The following EYS variants were observed in gnomAD, a reference collection of about 807,000 sequenced individuals.
The protein encoded by EYS is EGF-like photoreceptor maintenance factor.
In EYS, 250 loss-of-function variants were observed where a neutral mutation model predicts 282.1. The ratio of observed to expected loss-of-function variants is 0.89; its 90% CI spans 0.80 to 0.98. The LOEUF (loss-of-function observed/expected upper bound fraction) is 0.98. Among genes scored for constraint, EYS ranks in the 50% least tolerant of loss-of-function variants. The pLI is 0.00. For missense variants in EYS, 4,016 were observed against 3,709.0 expected (o/e 1.08, Z -2.15); for synonymous variants, 1,355 against 1,282.9 (o/e 1.06, Z -1.20).
At chr6:65,404,231 C>T (rs1198554917) in intron 6 of EYS, among the ~76,000 whole-genome samples, 1 of 152,008 alleles carries the variant, frequency 6.6e-6, no homozygotes, top group Non-Finnish European at 1.5e-5. Flanking sequence ...TCTTCCATCT[C>T]TCTCTTCCAC....
intron 5 of EYS, among the ~76,000 whole-genome samples, chr6:65,440,309 A>G (rs2150391509): frequency 6.6e-6 from 1 of 152,072 alleles, no homozygotes; most frequent in Middle Eastern, 3.4e-3. Context: ...GATAGATTCA[A>G]TACCATATGT....
chr6:64,590,181 C>T (rs954300509), intron 26 of EYS, 42 bp downstream of exon 26: 1 of 1,453,856 alleles, frequency 6.9e-7, no homozygotes, highest in African/African-American at 1.4e-5. Flanking sequence ...AGAAAAGAAA[C>T]TCATTTCTAA....
At chr6:64,487,602 T>TA (rs1490069403) in intron 26 of EYS, among the ~76,000 whole-genome samples, 1 of 151,012 alleles carries the variant, frequency 6.6e-6, no homozygotes, top group East Asian at 1.9e-4. Context: ...TATTAATCCT[T>TA]ATCTTTTTTC....
At chr6:63,785,441 G>A (rs528272104) in intron 39 of EYS, among the ~76,000 whole-genome samples, 2 of 152,242 alleles carry the variant, frequency 1.3e-5, no homozygotes, top group African/African-American at 4.8e-5. Flanking sequence ...CTCATTCTGA[G>A]AACTCTGCAG....
chr6:64,590,225 G>A lies in EYS; in HGVS notation c.5642C>T (p.Ser1881Phe), dbSNP rs150640306. 4 of 1,532,916 alleles carry A rather than the reference G, an allele frequency of 2.6e-6. No individual in the cohort carries two copies. The African/African-American group carries it at 4.2e-5, about 16-fold the overall frequency. The allele number at this position is 1,532,916 out of a possible 1,614,324, so 95.0% of individuals were successfully genotyped here. The change falls in exon 26 of 43, where the codon TCT (serine) becomes TTT (phenylalanine). Residue 1881 changes from serine to phenylalanine, a missense_variant and splice_region_variant. Ser to Phe is a radical substitution (Grantham distance 155, BLOSUM62 -2). Coordinates refer to ENST00000503581, the MANE Select transcript of EYS (RefSeq NM_001142800.2). ...TGAACAGAAACTGAGAAACTCACCA[G>A]AAATCATCAGCCGTTGAGGTGCCAG... ...SILAPQRLMISDFSCVRYYGD... is the reference protein window; with the variant it reads ...SILAPQRLMIFDFSCVRYYGD...
chr6:63,863,675 C>CTTTTCTTTTT (rs1772597256), intron 36 of EYS, among the ~76,000 whole-genome samples: 2 of 60,034 alleles, frequency 3.3e-5, no homozygotes, highest in African/African-American at 1.1e-4. Context: ...TTTCTTTTTT[C>CTTTTCTTTTT]TTTTTTTTTT....
intron 24 of EYS, among the ~76,000 whole-genome samples, chr6:64,607,510 T>C (rs1198381121): frequency 6.6e-6 from 1 of 152,042 alleles, no homozygotes; most frequent in Non-Finnish European, 1.5e-5. Context: ...TCTAGTTATC[T>C]GCAGCTTTTT....
chr6:65,385,004 C>T (rs1274951486), intron 7 of EYS, among the ~76,000 whole-genome samples: 2 of 151,746 alleles, frequency 1.3e-5, no homozygotes, highest in Admixed American at 1.3e-4. Flanking sequence ...GTTTTTCAAA[C>T]AATCTATATT....
Position 65,258,861 on chromosome 6 carries a change from T to C in EYS, c.2023+37002A>G, listed in dbSNP as rs1582072523. On this transcript the variant is annotated intron_variant, in intron 12 of 42. Transcript: ENST00000503581. ...TTAACTAAAATTGGTAAAGCATTTG[T>C]GAAATGACATAATTGTGAAATCTCC... Among the ~76,000 whole-genome samples the C allele has an allele frequency of 3.3e-5, 5 of 152,184 alleles. No homozygotes were observed. In the East Asian group the frequency reaches 9.7e-4, roughly 30 times the overall value.
intron 2 of EYS, among the ~76,000 whole-genome samples, chr6:65,612,489 T>C (rs1200565070): frequency 6.6e-6 from 1 of 151,758 alleles, no homozygotes. Flanking sequence ...ATAAACTAAA[T>C]TGTATTTATT....
chr6:64,385,219 G>A (rs190934150), intron 29 of EYS, among the ~76,000 whole-genome samples: 11 of 152,082 alleles, frequency 7.2e-5, no homozygotes, highest in Middle Eastern at 3.4e-3. Flanking sequence ...TTCATCATAC[G>A]AGTTCTCTTT....
At position 64,997,616 on chromosome 6, in the gene EYS, C is replaced by A; in HGVS notation, c.2225G>T (p.Cys742Phe). The change falls in exon 14 of 43, where the codon TGT (cysteine) becomes TTT (phenylalanine). Residue 742 changes from cysteine (C) to phenylalanine (F), a missense_variant. Physicochemically the swap from Cys to Phe is radical, Grantham distance 205 (BLOSUM62 -2). Transcript: ENST00000503581. ...GTCTTTGCAGGTAGAATTGTGCTCA[C>A]AGGCATTCAGGATGCAGTCATCAAT... ...QDIDDCILNA[C>F]EHNSTCKDLH... is the part of the protein sequence containing the mutation. 1 of 1,551,246 alleles carries A rather than the reference C, an allele frequency of 6.4e-7. No individual in the cohort carries two copies. Among genetic ancestry groups the A allele is most frequent in the Non-Finnish European group, 8.7e-7 (1 of 1,146,608 alleles).
chr6:63,737,437 C>A (rs4634434), intron 41 of EYS, among the ~76,000 whole-genome samples: 56,953 of 150,460 alleles, frequency 0.38, 10,852 homozygotes, highest in African/African-American at 0.48. Flanking sequence ...AGGGATGAAG[C>A]CCACTTGATC....
chr6:64,748,207 A>G (rs960375707), intron 22 of EYS, among the ~76,000 whole-genome samples: 2 of 152,240 alleles, frequency 1.3e-5, no homozygotes. Flanking sequence ...ATTCACCAGG[A>G]AATACAATAA....
At chr6:64,892,615 AGAATAT>A (rs1365751947) in intron 18 of EYS, among the ~76,000 whole-genome samples, 3 of 152,070 alleles carry the variant, frequency 2.0e-5, no homozygotes, top group Non-Finnish European at 2.9e-5. Flanking sequence ...ATTTTTACTT[AGAATAT>A]GAATAATCTA....
At chr6:64,554,959 G>T (rs1032011704) in intron 26 of EYS, among the ~76,000 whole-genome samples, 1 of 151,800 alleles carries the variant, frequency 6.6e-6, no homozygotes, top group African/African-American at 2.4e-5. Flanking sequence ...TAAAAATATG[G>T]AAATTCCTCA....
chr6:65,380,066 T>C (rs927751436), intron 8 of EYS, among the ~76,000 whole-genome samples: 1 of 152,042 alleles, frequency 6.6e-6, no homozygotes, highest in African/African-American at 2.4e-5. Flanking sequence ...ATAGATTCAA[T>C]GCTATTCCCA....
At chr6:64,826,596 G>C (rs2150025301) in intron 19 of EYS, among the ~76,000 whole-genome samples, 1 of 150,712 alleles carries the variant, frequency 6.6e-6, no homozygotes, top group South Asian at 2.1e-4. Context: ...TAAACTGATA[G>C]GTTTGATCAG....
intron 14 of EYS, among the ~76,000 whole-genome samples, chr6:64,989,644 AT>A (rs1770991585): frequency 6.9e-6 from 1 of 144,508 alleles, no homozygotes; most frequent in South Asian, 2.1e-4. Context: ...TAAATACATA[AT>A]TATAAAAATT....
Sources: gnomAD v4.1 joint callset for allele counts (sites outside exome capture counted in the v4.1 genomes callset) on GRCh38, gnomAD v4.1.1 for gene constraint, MANE v1.5 for transcripts, NCBI Gene and HGNC (gene_info 2026-07-23, HGNC 2026-07-21) for gene names.